ORM1: variants seen among roughly 807,000 people sequenced by gnomAD.
The protein encoded by ORM1 is alpha-1-acid glycoprotein 1.
In ORM1, 13 loss-of-function variants were observed where a neutral mutation model predicts 26.9. That is an observed-to-expected ratio of 0.48 (90% CI 0.31 to 0.77). The LOEUF (loss-of-function observed/expected upper bound fraction) is 0.77. ORM1 is among the 30% of genes least tolerant of loss of function. The pLI, the probability that ORM1 is intolerant of heterozygous loss-of-function variation, is 0.04. For missense variants in ORM1, 189 were observed against 246.8 expected (o/e 0.77, Z 1.57); for synonymous variants, 76 against 102.2 (o/e 0.74, Z 1.55).
At chr9:114,324,748 G>A in intron 3 of ORM1, 42 bp from the exon 4 acceptor site, 1 of 1,486,108 alleles carries the variant, frequency 6.7e-7, no homozygotes, top group Non-Finnish European at 9.4e-7. Flanking sequence ...ACACCATTGT[G>A]CCATCCCATG....
rs3182034 is a variant in ORM1, at chr9:114,325,111, C to T, written c.499C>T (p.Arg167Cys). Residue 167 changes from arginine (R) to cysteine (C), a missense_variant, in exon 5 of 6, where the codon CGC becomes TGC. This residue lies in a region of ORM1 where 163 missense variants were observed against 157.7 expected (regional missense o/e 1.03). Coordinates refer to ENST00000259396, the MANE Select transcript of ORM1 (RefSeq NM_000607.4). ...GTTCTACGAAGCTCTCGACTGCTTG[C>T]GCATTCCCAAGTCAGATGTCGTGTA... ...GEFYEALDCL[R>C]IPKSDVVYTD... is the part of the protein sequence containing the mutation. 372 of 1,613,426 alleles carry T rather than the reference C, an allele frequency of 2.3e-4. 3 individuals are homozygous for T. The highest frequency in any genetic ancestry group is 9.9e-4 in the South Asian group (90 of 91,018).
chr9:114,324,157 G>A lies in ORM1; in HGVS notation c.328+69G>A, dbSNP rs1588922452. ...GGCAGGCCAGCATAAGGTGGGGGCT[G>A]GATGTAGAGCCCTGGAGGCTTTGGG... On this transcript the variant is annotated intron_variant, in intron 3 of 5. Transcript: ENST00000259396. 7 of 1,396,360 alleles carry A rather than the reference G, an allele frequency of 5.0e-6. No individual in the cohort carries two copies. The East Asian group carries it at 1.4e-4, about 27-fold the overall frequency. The allele number at this position is 1,396,360 out of a possible 1,614,324, so 86.5% of individuals were successfully genotyped here.
Position 114,323,464 on chromosome 9 carries a change from C to T in ORM1, c.115-199C>T, listed in dbSNP as rs373593302. The T allele has an allele frequency of 1.5e-3, 1,272 of 872,600 alleles. No homozygotes were observed. In the African/African-American group the frequency reaches 0.016, roughly 11 times the overall value. The allele number at this position is 872,600 out of a possible 1,614,324, so 54.1% of individuals were successfully genotyped here. A position where few individuals can be genotyped will look rare whatever the true frequency, so the allele number is the denominator to read the frequency against. On this transcript the variant is annotated intron_variant, in intron 1 of 5. Coordinates refer to ENST00000259396, the MANE Select transcript of ORM1 (RefSeq NM_000607.4). ...TCACTGCAGAGTCCTTCACGGAGGACGGTTCTGTGCTGGGCCTGGAGGGGC... is the reference window on the plus strand; with the variant it reads ...TCACTGCAGAGTCCTTCACGGAGGATGGTTCTGTGCTGGGCCTGGAGGGGC...
chr9:114,324,064 G>C lies in ORM1; in HGVS notation c.304G>C (p.Glu102Gln), dbSNP rs1257006341. 1 of 1,614,102 alleles carries C rather than the reference G, an allele frequency of 6.2e-7. No homozygotes were observed. ...CACCACCTACCTGAATGTCCAGCGG[G>C]AAAATGGGACCATCTCCAGATACGG... is the stretch of plus-strand genomic sequence containing the variant. Reference protein sequence around the residue: ...YNTTYLNVQRENGTISRYVGG... With the variant: ...YNTTYLNVQRQNGTISRYVGG... The change falls in exon 3 of 6, where the codon GAA becomes CAA. Residue 102 changes from glutamate to glutamine, a missense_variant. Transcript: ENST00000259396.
Position 114,323,854 on chromosome 9 carries a change from G to A in ORM1, c.257+49G>A, listed in dbSNP as rs368328399. ...CCCCCATCTCAGCTTCTGGCCAGAA[G>A]ACCTGAGCAAGTCCCTCCTTCTTCC... On this transcript the variant is annotated intron_variant, in intron 2 of 5. Coordinates refer to ENST00000259396, the MANE Select transcript of ORM1 (RefSeq NM_000607.4). 5,285 of 1,611,946 alleles carry A rather than the reference G, an allele frequency of 3.3e-3. 18 individuals are homozygous for A. The highest frequency in any genetic ancestry group is 4.2e-3 in the Non-Finnish European group (4,967 of 1,178,234).
At chr9:114,326,077 C>G (rs1829764723) in intron 5 of ORM1, among the ~76,000 whole-genome samples, 1 of 150,262 alleles carries the variant, frequency 6.7e-6, no homozygotes, top group African/African-American at 2.5e-5. Context: ...TCTTAAGAGT[C>G]TGAGCTCCCA....
rs1010696383 is a variant in ORM1, at chr9:114,323,940, T to G, written c.258-78T>G. On this transcript the variant is annotated intron_variant, in intron 2 of 5. Transcript: ENST00000259396. Reference sequence around the variant, plus strand: ...CTGGCTTTAATCTCCACCAGACTCTTGCCCCAGGACTGTGATGGGCGATTG... The same window carrying G: ...CTGGCTTTAATCTCCACCAGACTCTGGCCCCAGGACTGTGATGGGCGATTG... The G allele has an allele frequency of 4.4e-6, 7 of 1,599,372 alleles. No homozygotes were observed. The African/African-American group carries it at 8.1e-5, about 18-fold the overall frequency.
chr9:114,326,171 T>C lies in ORM1; in HGVS notation c.541-121T>C. 2.8e-6 allele frequency: 4 copies of C among 1,422,144 alleles called. No homozygotes were observed. In the East Asian group the frequency reaches 1.0e-4, roughly 36 times the overall value. 88.1% of individuals were successfully genotyped at this position (1,422,144 alleles called of 1,614,324 possible). ...AGCTGGGAAGTGACAGTGCCAGGGT[T>C]GGAGCCCTGGTTGAGCTGGTTCCAC... On this transcript the variant is annotated intron_variant, in intron 5 of 5. Coordinates refer to ENST00000259396, the MANE Select transcript of ORM1 (RefSeq NM_000607.4).
Position 114,324,784 on chromosome 9 carries a change from T to C in ORM1, c.329-6T>C, listed in dbSNP as rs1829741846. The C allele has an allele frequency of 1.2e-5, 19 of 1,611,244 alleles. 1 individual carries two copies. The South Asian group carries it at 1.8e-4, about 15-fold the overall frequency. ...TTCTCACCCAGAGGCTCCTTTTCTCTTCCAGTGGGAGGCCAAGAGCATTTC... is the reference window on the plus strand; with the variant it reads ...TTCTCACCCAGAGGCTCCTTTTCTCCTCCAGTGGGAGGCCAAGAGCATTTC... On this transcript the variant is annotated splice_region_variant and splice_polypyrimidine_tract_variant and intron_variant, in intron 3 of 5. Transcript: ENST00000259396.
At chr9:114,323,327 T>C in intron 1 of ORM1, 80 bp downstream of exon 1, 1 of 1,612,970 alleles carries the variant, frequency 6.2e-7, no homozygotes, top group Non-Finnish European at 8.5e-7. Context: ...CTGCTGGCTG[T>C]GGTCGGACCC....
In ORM1 at chr9:114,324,027, G is replaced by T; in HGVS notation, c.267G>T (p.Gln89His). Reference sequence around the variant, plus strand: ...TTCTGTTTGGCTTTAGACAGGACCAGTGCATCTATAACACCACCTACCTGA... The same window carrying T: ...TTCTGTTTGGCTTTAGACAGGACCATTGCATCTATAACACCACCTACCTGA... ...FLREYQTRQDQCIYNTTYLNV... is the reference protein window; with the variant it reads ...FLREYQTRQDHCIYNTTYLNV... The change falls in exon 3 of 6, where the codon CAG becomes CAT. Residue 89 changes from glutamine (Q) to histidine (H), a missense_variant. By Grantham distance (24) the Gln-to-His change is conservative. Around this residue, in one of 3 missense-constraint regions of ORM1, gnomAD observed 163 missense variants for 157.7 expected, o/e 1.03. Transcript: ENST00000259396. 1 of 1,614,018 alleles carries T rather than the reference G, an allele frequency of 6.2e-7. No individual in the cohort carries two copies. The highest frequency in any genetic ancestry group is 8.5e-7 in the Non-Finnish European group (1 of 1,179,990).
Position 114,324,554 on chromosome 9 carries a change from C to T in ORM1, c.329-236C>T, listed in dbSNP as rs566711524. Among the ~76,000 whole-genome samples, 9 of 152,076 alleles carry T rather than the reference C, an allele frequency of 5.9e-5. No individual in the cohort carries two copies. In the East Asian group the frequency reaches 1.4e-3, roughly 23 times the overall value. ...GGCCTCATTTTCCTCATCTGTAAAA[C>T]GGAGAAAGGCCCTGACAGCCACGGT... On this transcript the variant is annotated intron_variant, in intron 3 of 5. Transcript: ENST00000259396.
intron 2 of ORM1, 33 bp from the exon 3 acceptor site, chr9:114,323,985 C>A (rs751338637): frequency 5.4e-5 from 87 of 1,611,612 alleles, no homozygotes; most frequent in East Asian, 3.1e-4. Context: ...CAATAATCTT[C>A]CTGTTTTCCT....
At chr9:114,324,955 C>A in intron 4 of ORM1, 58 bp downstream of exon 4, 1 of 1,589,912 alleles carries the variant, frequency 6.3e-7, no homozygotes, top group South Asian at 1.1e-5. Flanking sequence ...CCCCCATTCA[C>A]CCACCCCTGG....
At position 114,324,817 on chromosome 9, in the gene ORM1, T is replaced by C; in HGVS notation, c.356T>C (p.Leu119Ser). The change falls in exon 4 of 6, where the codon TTG becomes TCG. Residue 119 changes from leucine (L) to serine (S), a missense_variant. Leu to Ser is a moderately radical substitution (Grantham distance 145). Transcript: ENST00000259396. The stretch of plus-strand genomic sequence containing the variant: ...GGAGGCCAAGAGCATTTCGCTCACT[T>C]GCTGATCCTCAGGGACACCAAGACC... ...YVGGQEHFAH[L>S]LILRDTKTYM... is the part of the protein sequence containing the mutation. The C allele has an allele frequency of 6.2e-7, 1 of 1,614,158 alleles. No individual in the cohort carries two copies. The highest frequency in any genetic ancestry group is 2.2e-5 in the East Asian group (1 of 44,874).
intron 3 of ORM1, 33 bp from the exon 4 acceptor site, chr9:114,324,757 T>C (rs1829741441): frequency 2.6e-6 from 4 of 1,544,724 alleles, no homozygotes; most frequent in South Asian, 2.2e-5. Flanking sequence ...TGCCATCCCA[T>C]GTTCTCACCC....
chr9:114,323,680 T>C lies in ORM1; in HGVS notation c.132T>C (p.Phe44=). ...CTCCCCAGATCACTGGCAAGTGGTT[T>C]TATATCGCATCGGCCTTTCGAAACG... The part of the protein sequence containing the change: ...ATLDRITGKW[F]YIASAFRNEE... The change falls in exon 2 of 6, where the codon TTT becomes TTC. Residue 44 remains phenylalanine, a synonymous_variant. Transcript: ENST00000259396. 1 of 1,614,022 alleles carries C rather than the reference T, an allele frequency of 6.2e-7. No homozygotes were observed.
chr9:114,324,856 T>C lies in ORM1; in HGVS notation c.395T>C (p.Phe132Ser). The change falls in exon 4 of 6, where the codon TTT (phenylalanine) becomes TCT (serine). Residue 132 changes from phenylalanine to serine, a missense_variant. Physicochemically the swap from Phe to Ser is radical, Grantham distance 155. Coordinates refer to ENST00000259396, the MANE Select transcript of ORM1 (RefSeq NM_000607.4). ...GACACCAAGACCTACATGCTTGCTT[T>C]TGACGTGAACGATGAGAAGAACTGG... ...LRDTKTYMLA[F>S]DVNDEKNWGL... 6.2e-7 allele frequency: 1 copy of C among 1,614,200 alleles called. No individual in the cohort carries two copies. The highest frequency in any genetic ancestry group is 8.5e-7 in the Non-Finnish European group (1 of 1,180,028).
rs1157044124 is a variant in ORM1 at position 114,323,444 on chromosome 9, G to T, written c.114+197G>T. 2.4e-5 allele frequency: 20 copies of T among 835,016 alleles called. No homozygotes were observed. The Admixed American group carries it at 3.8e-4, about 16-fold the overall frequency. The allele number at this position is 835,016 out of a possible 1,614,324, so 51.7% of individuals were successfully genotyped here. A position where few individuals can be genotyped will look rare whatever the true frequency, so the allele number is the denominator to read the frequency against. On this transcript the variant is annotated intron_variant, in intron 1 of 5. Transcript: ENST00000259396. ...TGCCTCCAAACACAGAAGCCTCACTGCAGAGTCCTTCACGGAGGACGGTTC... is the reference window on the plus strand; with the variant it reads ...TGCCTCCAAACACAGAAGCCTCACTTCAGAGTCCTTCACGGAGGACGGTTC...
Sources: allele counts gnomAD v4.1 joint callset (sites outside exome capture counted in the v4.1 genomes callset), GRCh38; gene constraint gnomAD v4.1.1; regional missense constraint gnomAD v4.1.1; transcripts MANE v1.5; gene names NCBI Gene and HGNC (gene_info 2026-07-23, HGNC 2026-07-21).